ECHDC1: variants seen among roughly 807,000 people sequenced by gnomAD.
ECHDC1 encodes the protein ethylmalonyl-CoA decarboxylase 1.
ECHDC1 carries 29 observed loss-of-function variants against 29.7 expected under a neutral mutation model. That is an observed-to-expected ratio of 0.98 (90% CI 0.73 to 1.33). The LOEUF (loss-of-function observed/expected upper bound fraction) is 1.33. ECHDC1 is among the 40% of genes most tolerant of loss of function. The probability of loss-of-function intolerance (pLI) is 0.00; values close to 1 mark genes in which losing one functional copy is unlikely to be tolerated. For synonymous variants in ECHDC1, 126 were observed against 123.1 expected (o/e 1.02, Z -0.15); for missense variants, 328 against 350.0 (o/e 0.94, Z 0.50).
At chr6:127,333,607 G>A (rs1784157078) in intron 1 of ECHDC1, among the ~76,000 whole-genome samples, 1 of 150,324 alleles carries the variant, frequency 6.7e-6, no homozygotes, top group Non-Finnish European at 1.5e-5. Flanking sequence ...TAAACTATCA[G>A]TAGCTTGAAA....
At position 127,289,836 on chromosome 6, in the gene ECHDC1, C is replaced by CTTT. The variant is rs755660424; in HGVS notation, c.*30_*32dup. The CTTT allele has an allele frequency of 1.9e-5, 30 of 1,562,052 alleles. No homozygotes were observed. The East Asian group carries it at 6.3e-4, about 33-fold the overall frequency. The stretch of plus-strand genomic sequence containing the variant: ...CATTTATACATATTAGTCACTGGAG[C>CTTT]TTTACTTGGAGTACATCCACACGAA... On this transcript the variant is annotated 3_prime_UTR_variant, in exon 6 of 6. Transcript: ENST00000454859.
intron 5 of ECHDC1, among the ~76,000 whole-genome samples, chr6:127,290,980 A>G (rs908952515): frequency 2.0e-5 from 3 of 152,136 alleles, no homozygotes; most frequent in African/African-American, 7.2e-5. Flanking sequence ...ACCTGAGGAA[A>G]TGAGCAATGC....
chr6:127,297,736 C>T (rs1192131593), intron 5 of ECHDC1, among the ~76,000 whole-genome samples: 1 of 152,106 alleles, frequency 6.6e-6, no homozygotes, highest in Non-Finnish European at 1.5e-5. Context: ...TTTGTGCTTA[C>T]CCAAGACATA....
intron 1 of ECHDC1, among the ~76,000 whole-genome samples, chr6:127,338,267 T>C: frequency 6.6e-6 from 1 of 152,204 alleles, no homozygotes; most frequent in East Asian, 1.9e-4. Flanking sequence ...AAAGCATCTT[T>C]AAAAGTTTTC....
chr6:127,292,257 G>A (rs1308771553), intron 5 of ECHDC1, among the ~76,000 whole-genome samples: 1 of 151,978 alleles, frequency 6.6e-6, no homozygotes, highest in Non-Finnish European at 1.5e-5. Context: ...TAATGTAGAT[G>A]AGCTTATGAC....
At chr6:127,327,360 T>C (rs1783445885) in intron 2 of ECHDC1, among the ~76,000 whole-genome samples, 1 of 152,218 alleles carries the variant, frequency 6.6e-6, no homozygotes, top group South Asian at 2.1e-4. Context: ...TTATTATGTG[T>C]CTATCTCTCC....
At chr6:127,311,218 T>G (rs1276602542) in intron 5 of ECHDC1, among the ~76,000 whole-genome samples, 17 of 152,144 alleles carry the variant, frequency 1.1e-4, no homozygotes, top group Admixed American at 1.1e-3. Context: ...CAACACTGAC[T>G]ATGTATATGG....
intron 5 of ECHDC1, chr6:127,313,458 C>A: frequency 2.6e-6 from 1 of 392,028 alleles, no homozygotes; most frequent in Non-Finnish European, 5.2e-6. Flanking sequence ...CTATTTCAGC[C>A]CCCCAAAATG....
At chr6:127,336,935 A>C (rs1784473204) in intron 1 of ECHDC1, among the ~76,000 whole-genome samples, 1 of 152,180 alleles carries the variant, frequency 6.6e-6, no homozygotes, top group African/African-American at 2.4e-5. Flanking sequence ...AATGCCAAGC[A>C]ATGGGGCTTG....
At position 127,327,151 on chromosome 6, in the gene ECHDC1, G is replaced by C; in HGVS notation, c.221-7C>G. ...AGTTGTAGCATCATAACACCTGCCAGAGATGGAAGTGGGAAATCACAAATA... is the reference window on the plus strand; with the variant it reads ...AGTTGTAGCATCATAACACCTGCCACAGATGGAAGTGGGAAATCACAAATA... On this transcript the variant is annotated splice_polypyrimidine_tract_variant and splice_region_variant and intron_variant, in intron 2 of 5. Transcript: ENST00000454859. 6.2e-7 allele frequency: 1 copy of C among 1,610,048 alleles called. No homozygotes were observed.
In ECHDC1 at chr6:127,323,391, A is replaced by G. The variant is rs1434444658; in HGVS notation, c.363+3611T>C. ...TCAGATACATCACAAATTTAAGTCT[A>G]GTGGGGTGCTACAAATTATGCATCA... On this transcript the variant is annotated intron_variant, in intron 3 of 5. Transcript: ENST00000454859. 5.8e-4 allele frequency among the ~76,000 whole-genome samples: 88 copies of G among 152,120 alleles called. 1 individual carries two copies. The highest frequency in any genetic ancestry group is 5.8e-3 in the Admixed American group (88 of 15,274).
At position 127,335,121 on chromosome 6, in the gene ECHDC1, G is replaced by C. The variant is rs9482787; in HGVS notation, c.-2-4091C>G. ...ATATGTGAGTTATAAAATGGTATCAGAAACTGACAGAGAACATATAAAGGT... is the reference window on the plus strand; with the variant it reads ...ATATGTGAGTTATAAAATGGTATCACAAACTGACAGAGAACATATAAAGGT... On this transcript the variant is annotated intron_variant, in intron 1 of 5. Transcript: ENST00000454859. 4.8e-3 allele frequency among the ~76,000 whole-genome samples: 728 copies of C among 152,150 alleles called. 10 individuals carry two copies. The highest frequency in any genetic ancestry group is 0.017 in the African/African-American group (693 of 41,538).
chr6:127,294,306 A>T lies in ECHDC1; in HGVS notation c.498-4029T>A, dbSNP rs563058718. Reference sequence around the variant, plus strand: ...CAAAGTAAACTTGCTCGCATGGGGAAATATAGCATAGAAAATTATAGAATT... The same window carrying T: ...CAAAGTAAACTTGCTCGCATGGGGATATATAGCATAGAAAATTATAGAATT... On this transcript the variant is annotated intron_variant, in intron 5 of 5. Coordinates refer to ENST00000454859, the MANE Select transcript of ECHDC1 (RefSeq NM_001002030.2). 2.2e-4 allele frequency among the ~76,000 whole-genome samples: 34 copies of T among 152,332 alleles called. 1 individual carries two copies. The South Asian group carries it at 7.0e-3, about 32-fold the overall frequency.
chr6:127,310,930 G>C (rs554668953), intron 5 of ECHDC1, among the ~76,000 whole-genome samples: 2 of 152,132 alleles, frequency 1.3e-5, no homozygotes, highest in South Asian at 4.2e-4. Flanking sequence ...ATTACATCTC[G>C]GTGAAGGCTC....
chr6:127,311,669 CAAAAAAAAAAAAAAAAAA>C (rs71272311), intron 5 of ECHDC1, among the ~76,000 whole-genome samples: 2 of 25,048 alleles, frequency 8.0e-5, no homozygotes, highest in Non-Finnish European at 2.5e-4. Context: ...GGCTCTGTCT[CAAAAAAAAAAAAAAAAAA>C]AAAAAAAAAA....
At chr6:127,340,156 A>T (rs768376240) in intron 1 of ECHDC1, among the ~76,000 whole-genome samples, 2 of 152,250 alleles carry the variant, frequency 1.3e-5, no homozygotes, top group African/African-American at 2.4e-5. Context: ...CATATCGTAT[A>T]AGGGTCTAGT....
intron 3 of ECHDC1, among the ~76,000 whole-genome samples, chr6:127,317,081 C>T (rs1439224134): frequency 1.3e-5 from 2 of 152,016 alleles, no homozygotes; most frequent in African/African-American, 2.4e-5. Context: ...TAATAATCTC[C>T]TACTTGTCAA....
chr6:127,297,193 TAATA>T (rs1390915128), intron 5 of ECHDC1, among the ~76,000 whole-genome samples: 5 of 152,288 alleles, frequency 3.3e-5, no homozygotes, highest in Middle Eastern at 3.4e-3. Context: ...AGGCAATAAT[TAATA>T]AATATTCATT....
chr6:127,307,751 C>T (rs1348932616), intron 5 of ECHDC1, among the ~76,000 whole-genome samples: 1 of 73,020 alleles, frequency 1.4e-5, no homozygotes, highest in African/African-American at 4.7e-5. Flanking sequence ...TCTAGCCAGA[C>T]TAACAAAGAA....
Sources: allele counts gnomAD v4.1 joint callset (sites outside exome capture counted in the v4.1 genomes callset), GRCh38; gene constraint gnomAD v4.1.1; transcripts MANE v1.5; gene names NCBI Gene and HGNC (gene_info 2026-07-23, HGNC 2026-07-21).